The following PRKCB variants were observed in gnomAD, a reference collection of about 807,000 sequenced individuals.
PRKCB encodes protein kinase C beta.
Under a neutral mutation model 81.5 loss-of-function variants are expected in PRKCB, and 13 were observed. The observed-to-expected ratio is 0.16, with a 90% confidence interval of 0.10 to 0.25. PRKCB has a LOEUF of 0.25. Ranked by LOEUF, PRKCB falls within the 10% of genes least tolerant of loss-of-function variation. The probability of loss-of-function intolerance (pLI) is 1.00; values close to 1 mark genes in which losing one functional copy is unlikely to be tolerated. For missense variants in PRKCB, 509 were observed against 875.7 expected (o/e 0.58, Z 5.29); for synonymous variants, 335 against 321.4 (o/e 1.04, Z -0.45).
At chr16:23,982,063 CTTCTCT>C (rs1178891071) in intron 2 of PRKCB, among the ~76,000 whole-genome samples, 1,457 of 35,728 alleles carry the variant, frequency 0.041, 1 homozygote, top group African/African-American at 0.05. Context: ...TTCCCTTCCC[CTTCTCT>C]TTCCCTTCCC....
rs1280062460 is a variant in PRKCB, at chr16:23,875,758, G to A, written c.205+38352G>A. On this transcript the variant is annotated intron_variant, in intron 2 of 16. Coordinates refer to ENST00000643927, the MANE Select transcript of PRKCB (RefSeq NM_002738.7). ...ATATGTATGTATATCACACATATAT[G>A]TATGTATATCACACATATATGTGTG... Among the ~76,000 whole-genome samples the A allele has an allele frequency of 4.1e-5, 5 of 122,242 alleles. 1 individual carries two copies. Among genetic ancestry groups the A allele is most frequent in the Admixed American group, 2.5e-4 (3 of 11,910 alleles). The allele number at this position is 122,242 out of a possible 152,430, so 80.2% of individuals were successfully genotyped here. A position where few individuals can be genotyped will look rare whatever the true frequency, so the allele number is the denominator to read the frequency against.
intron 2 of PRKCB, chr16:23,869,344 G>C: frequency 3.5e-6 from 1 of 288,584 alleles, no homozygotes; most frequent in Admixed American, 4.6e-5. Context: ...GCAGTGACAC[G>C]TAGCACGAGT....
intron 7 of PRKCB, among the ~76,000 whole-genome samples, chr16:24,112,077 C>A (rs1050761407): frequency 1.3e-5 from 2 of 152,132 alleles, no homozygotes; most frequent in African/African-American, 4.8e-5. Flanking sequence ...TAAGGGATGC[C>A]GTTTCTCAAA....
At chr16:24,147,332 A>C (rs1967008524) in intron 9 of PRKCB, among the ~76,000 whole-genome samples, 1 of 150,754 alleles carries the variant, frequency 6.6e-6, no homozygotes, top group Non-Finnish European at 1.5e-5. Context: ...ACTTCACAGC[A>C]TATGTGGAGG....
chr16:23,882,470 C>T (rs1963139734), intron 2 of PRKCB, among the ~76,000 whole-genome samples: 1 of 152,150 alleles, frequency 6.6e-6, no homozygotes, highest in South Asian at 2.1e-4. Context: ...AGTGATCCTC[C>T]CACCTCAGCC....
chr16:24,159,396 T>C lies in PRKCB; in HGVS notation c.1239+4539T>C, dbSNP rs8046029. Among the ~76,000 whole-genome samples, 664 of 152,324 alleles carry C rather than the reference T, an allele frequency of 4.4e-3. 5 individuals carry two copies. Among genetic ancestry groups the C allele is most frequent in the African/African-American group, 0.015 (617 of 41,568 alleles). ...GCCACCAAAATGGCCTTGACAATGA[T>C]GATACAAACAAGAACAAAAAGCAGC... On this transcript the variant is annotated intron_variant, in intron 10 of 16. Coordinates refer to ENST00000643927, the MANE Select transcript of PRKCB (RefSeq NM_002738.7).
intron 2 of PRKCB, chr16:23,869,155 A>G (rs1201929457): frequency 2.2e-6 from 1 of 453,634 alleles, no homozygotes; most frequent in Non-Finnish European, 4.4e-6. Context: ...AGCATTGGCC[A>G]ATGGAACGTG....
intron 3 of PRKCB, among the ~76,000 whole-genome samples, chr16:24,023,451 C>T (rs968583260): frequency 1.3e-5 from 2 of 152,214 alleles, no homozygotes; most frequent in African/African-American, 2.4e-5. Flanking sequence ...TCACTGCAAG[C>T]TCTGCCTCCC....
chr16:23,911,816 C>T (rs1053075803), intron 2 of PRKCB, among the ~76,000 whole-genome samples: 26 of 135,936 alleles, frequency 1.9e-4, no homozygotes, highest in African/African-American at 5.5e-4. Flanking sequence ...CTGGGATATG[C>T]GCGACCCACA....
Position 24,216,354 on chromosome 16 carries a change from G to C in PRKCB, c.*1538G>C. On this transcript the variant is annotated 3_prime_UTR_variant, in exon 17 of 17. Transcript: ENST00000643927. ...TTCTTTCTAGCAAGCAGCTTTGTGAGCTCCCTGAAGCCCAAGGAAACCCTT... is the reference window on the plus strand; with the variant it reads ...TTCTTTCTAGCAAGCAGCTTTGTGACCTCCCTGAAGCCCAAGGAAACCCTT... The C allele has an allele frequency of 1.0e-6, 1 of 985,440 alleles. No individual in the cohort carries two copies. The allele number at this position is 985,440 out of a possible 1,614,324, so 61.0% of individuals were successfully genotyped here.
chr16:24,183,820 C>G (rs1191197745), intron 13 of PRKCB, among the ~76,000 whole-genome samples: 1 of 152,210 alleles, frequency 6.6e-6, no homozygotes, highest in African/African-American at 2.4e-5. Flanking sequence ...TGTATTACCT[C>G]TTAACCTCTG....
intron 5 of PRKCB, among the ~76,000 whole-genome samples, chr16:24,048,448 A>T (rs1294312813): frequency 2.0e-5 from 3 of 151,872 alleles, no homozygotes; most frequent in African/African-American, 7.3e-5. Context: ...ATGATGATAC[A>T]TGATATTAGT....
At chr16:23,933,672 C>CCATA (rs1208405729) in intron 2 of PRKCB, among the ~76,000 whole-genome samples, 6 of 147,862 alleles carry the variant, frequency 4.1e-5, no homozygotes, top group Non-Finnish European at 9.0e-5. Context: ...ATCCATCCAT[C>CCATA]CATCATCTTC....
chr16:24,014,940 G>A (rs557357515), intron 3 of PRKCB, among the ~76,000 whole-genome samples: 2 of 152,190 alleles, frequency 1.3e-5, no homozygotes, highest in South Asian at 2.1e-4. Flanking sequence ...GGGACTACAG[G>A]CACCCGCCAC....
At chr16:24,029,388 T>C (rs7189006) in intron 3 of PRKCB, among the ~76,000 whole-genome samples, 8,007 of 152,222 alleles carry the variant, frequency 0.053, 272 homozygotes, top group African/African-American at 0.077. Context: ...TCTGATGGTT[T>C]TATAAGGGGC....
intron 5 of PRKCB, among the ~76,000 whole-genome samples, chr16:24,051,147 G>T (rs1237042595): frequency 6.6e-6 from 1 of 152,192 alleles, no homozygotes; most frequent in Admixed American, 6.5e-5. Context: ...TCATAGATGA[G>T]GAGCAGGCGT....
intron 9 of PRKCB, among the ~76,000 whole-genome samples, chr16:24,138,666 C>A (rs1357954746): frequency 6.6e-6 from 1 of 151,936 alleles, no homozygotes; most frequent in African/African-American, 2.4e-5. Flanking sequence ...AACTGAATTA[C>A]CATGCCATAC....
At chr16:23,919,175 G>A (rs1183701509) in intron 2 of PRKCB, among the ~76,000 whole-genome samples, 2 of 152,184 alleles carry the variant, frequency 1.3e-5, no homozygotes, top group East Asian at 3.8e-4. Context: ...TCATCACAGT[G>A]TGATGTAAGG....
intron 9 of PRKCB, among the ~76,000 whole-genome samples, chr16:24,137,725 T>A (rs1456613883): frequency 6.6e-6 from 1 of 152,226 alleles, no homozygotes; most frequent in Non-Finnish European, 1.5e-5. Context: ...GTAAAATGAA[T>A]CCCTGGTTAC....
Sources: allele counts gnomAD v4.1 joint callset (sites outside exome capture counted in the v4.1 genomes callset), GRCh38; gene constraint gnomAD v4.1.1; transcripts MANE v1.5; gene names NCBI Gene and HGNC (gene_info 2026-07-23, HGNC 2026-07-21).